SMC2: variants seen among roughly 807,000 people sequenced by gnomAD.
SMC2 encodes structural maintenance of chromosomes 2.
In SMC2, 41 loss-of-function variants were observed where a neutral mutation model predicts 142.6. The observed-to-expected ratio is 0.29, with a 90% confidence interval of 0.22 to 0.37. SMC2 has a LOEUF of 0.37. SMC2 is among the 10% of genes least tolerant of loss of function. The pLI, the probability that SMC2 is intolerant of heterozygous loss-of-function variation, is 1.00. For missense variants in SMC2, 1,265 were observed against 1,373.7 expected (o/e 0.92, Z 1.25); for synonymous variants, 463 against 457.5 (o/e 1.01, Z -0.15).
intron 14 of SMC2, among the ~76,000 whole-genome samples, chr9:104,117,859 T>C (rs1159702322): frequency 6.6e-6 from 1 of 152,224 alleles, no homozygotes; most frequent in African/African-American, 2.4e-5. Context: ...TAAAGTTGTG[T>C]CCAGTCAACG....
intron 9 of SMC2, among the ~76,000 whole-genome samples, chr9:104,108,096 C>A (rs1356719980): frequency 6.6e-6 from 1 of 152,142 alleles, no homozygotes; most frequent in East Asian, 1.9e-4. Context: ...CAAAGTGACA[C>A]AAAGTATCCT....
intron 15 of SMC2, among the ~76,000 whole-genome samples, chr9:104,119,796 G>C (rs1400225046): frequency 6.6e-6 from 1 of 152,150 alleles, no homozygotes; most frequent in African/African-American, 2.4e-5. Context: ...GGGCCCAGTA[G>C]ACAAGGCAGT....
At chr9:104,122,993 T>C in intron 16 of SMC2, 115 bp from the exon 17 acceptor site, 1 of 1,058,816 alleles carries the variant, frequency 9.4e-7, no homozygotes, top group Non-Finnish European at 1.3e-6. Flanking sequence ...CAGTAGCATC[T>C]TATATTGTTT....
At chr9:104,120,574 G>T (rs1833622380) in intron 16 of SMC2, among the ~76,000 whole-genome samples, 1 of 152,134 alleles carries the variant, frequency 6.6e-6, no homozygotes, top group African/African-American at 2.4e-5. Flanking sequence ...TAATAGCATT[G>T]TGGCTGTCCT....
Position 104,095,549 on chromosome 9 carries a change from T to C in SMC2, c.165T>C (p.Ser55=), listed in dbSNP as rs1830357132. The C allele has an allele frequency of 6.2e-7, 1 of 1,612,282 alleles. No individual in the cohort carries two copies. Among genetic ancestry groups the C allele is most frequent in the Non-Finnish European group, 8.5e-7 (1 of 1,178,602 alleles). Residue 55 remains serine, a synonymous_variant, in exon 2 of 25, where the codon TCT becomes TCC. Coordinates refer to ENST00000374793, the MANE Select transcript of SMC2 (RefSeq NM_006444.3). The stretch of plus-strand genomic sequence containing the variant: ...TTTTGCTGGGCATCTCCAACCTGTC[T>C]CAGGTAAAGTGTAAACTTTCTGATT... ...ICFLLGISNL[S]QVRASNLQDL...
Position 104,118,304 on chromosome 9 carries a change from A to T in SMC2, c.1925A>T (p.Asp642Val). The T allele has an allele frequency of 6.2e-7, 1 of 1,613,792 alleles. No individual in the cohort carries two copies. Among genetic ancestry groups the T allele is most frequent in the South Asian group, 1.1e-5 (1 of 91,068 alleles). The change falls in exon 15 of 25, where the codon GAT becomes GTT. Residue 642 changes from aspartate (D) to valine (V), a missense_variant. Around this residue, in one of 4 missense-constraint regions of SMC2, gnomAD observed 898 missense variants for 904.2 expected, o/e 0.99. Transcript: ENST00000374793. ...GATAATGCCAAAAAAGTGGCCTTTG[A>T]TAAGAGGATAATGACTAGAACTGTA... is the stretch of plus-strand genomic sequence containing the variant. ...NMDNAKKVAF[D>V]KRIMTRTVTL...
Position 104,111,713 on chromosome 9 carries a change from G to A in SMC2, c.1153G>A (p.Ala385Thr), listed in dbSNP as rs760655816. 11 of 1,613,932 alleles carry A rather than the reference G, an allele frequency of 6.8e-6. No individual in the cohort carries two copies. Among genetic ancestry groups the A allele is most frequent in the Non-Finnish European group, 6.8e-6 (8 of 1,179,956 alleles). ...AAQQHFNAVS[A>T]GLSSNEDGAE... ...ACAGCAGCACTTCAATGCTGTTTCC[G>A]CTGGCCTGTCCAGTAATGAAGATGG... The change falls in exon 10 of 25, where the codon GCT (alanine) becomes ACT (threonine). Residue 385 changes from alanine (A) to threonine (T), a missense_variant. Physicochemically the swap from Ala to Thr is moderately conservative, Grantham distance 58. This residue lies in a region of SMC2 where 898 missense variants were observed against 904.2 expected (regional missense o/e 0.99). Transcript: ENST00000374793.
At chr9:104,095,239 C>T (rs891781421) in intron 1 of SMC2, 85 bp from the exon 2 acceptor site, 8 of 627,146 alleles carry the variant, frequency 1.3e-5, no homozygotes, top group South Asian at 2.0e-5. Flanking sequence ...ATTTCTATCA[C>T]CCTATCGTTG....
intron 15 of SMC2, 133 bp downstream of exon 15, chr9:104,118,508 G>A: frequency 1.4e-6 from 1 of 690,450 alleles, no homozygotes; most frequent in East Asian, 2.8e-5. Flanking sequence ...GTTTGCCAGT[G>A]CCACCTACCT....
intron 9 of SMC2, 31 bp from the exon 10 acceptor site, chr9:104,111,549 TA>T: frequency 6.8e-7 from 1 of 1,469,810 alleles, no homozygotes; most frequent in Non-Finnish European, 9.4e-7. Flanking sequence ...TCCTGAAATA[TA>T]ATATTTTTCC....
chr9:104,138,228 T>TTTAG, intron 24 of SMC2, 63 bp downstream of exon 24: 1 of 1,330,834 alleles, frequency 7.5e-7, no homozygotes, highest in Non-Finnish European at 1.0e-6. Context: ...AAAACCATTC[T>TTTAG]TTAGTTAGTA....
At chr9:104,111,475 C>T in intron 9 of SMC2, 106 bp from the exon 10 acceptor site, 4 of 634,742 alleles carry the variant, frequency 6.3e-6, no homozygotes, top group Middle Eastern at 2.7e-4. Flanking sequence ...TTTTATTATG[C>T]TCACTCCAAA....
intron 13 of SMC2, among the ~76,000 whole-genome samples, chr9:104,115,035 A>G (rs1282757947): frequency 1.3e-5 from 2 of 152,156 alleles, no homozygotes; most frequent in East Asian, 3.8e-4. Flanking sequence ...CATATTACCA[A>G]TCTTAAACTT....
chr9:104,104,690 G>C (rs1486535984), intron 9 of SMC2, among the ~76,000 whole-genome samples: 1 of 152,200 alleles, frequency 6.6e-6, no homozygotes, highest in Non-Finnish European at 1.5e-5. Context: ...GAGTTGTCCT[G>C]TAGTTTATCC....
intron 13 of SMC2, among the ~76,000 whole-genome samples, chr9:104,115,693 C>T (rs952009130): frequency 5.3e-5 from 8 of 152,222 alleles, no homozygotes; most frequent in African/African-American, 1.2e-4. Context: ...TCCATAGTTA[C>T]CTTTTTTGTG....
chr9:104,129,869 C>G, intron 21 of SMC2, 24 bp downstream of exon 21: 1 of 1,570,268 alleles, frequency 6.4e-7, no homozygotes, highest in South Asian at 1.1e-5. Flanking sequence ...TTATGAATAT[C>G]TGGCCGCATT....
intron 9 of SMC2, 22 bp downstream of exon 9, chr9:104,102,595 C>CT: frequency 6.2e-7 from 1 of 1,606,728 alleles, no homozygotes; most frequent in South Asian, 1.1e-5. Context: ...TAATGTGCCA[C>CT]TAGTGCCACT....
chr9:104,094,732 T>C (rs1434204934), intron 1 of SMC2: 1 of 292,594 alleles, frequency 3.4e-6, no homozygotes, highest in African/African-American at 2.2e-5. Context: ...GAGATACATC[T>C]CATCTCTAGT....
In SMC2 at chr9:104,113,469, T is replaced by C. The variant is rs769881830; in HGVS notation, c.1408T>C (p.Tyr470His). 6.3e-7 allele frequency: 1 copy of C among 1,598,300 alleles called. No homozygotes were observed. The highest frequency in any genetic ancestry group is 1.8e-5 in the Admixed American group (1 of 56,848). Residue 470 changes from tyrosine to histidine, a missense_variant, in exon 11 of 25, where the codon TAT (tyrosine) becomes CAT (histidine). Coordinates refer to ENST00000374793, the MANE Select transcript of SMC2 (RefSeq NM_006444.3). Reference protein sequence around the residue: ...KLEAEMKKLNYEENKEESLLE... With the variant: ...KLEAEMKKLNHEENKEESLLE... ...TGAAGCTGAAATGAAAAAGCTAAAT[T>C]ATGAAGGTTTGCCTTTAAAAACATG...
Sources: allele counts gnomAD v4.1 joint callset (sites outside exome capture counted in the v4.1 genomes callset), GRCh38; gene constraint gnomAD v4.1.1; regional missense constraint gnomAD v4.1.1; transcripts MANE v1.5; gene names NCBI Gene and HGNC (gene_info 2026-07-23, HGNC 2026-07-21).